The following NKTR variants were observed in gnomAD, a reference collection of about 807,000 sequenced individuals.
NKTR encodes the protein NK-tumor recognition protein.
Under a neutral mutation model 156.3 loss-of-function variants are expected in NKTR, and 67 were observed. The observed-to-expected ratio is 0.43, with a 90% confidence interval of 0.35 to 0.53. NKTR has a LOEUF of 0.53. Among genes scored for constraint, NKTR ranks in the 20% least tolerant of loss-of-function variants. The pLI is 0.01. For missense variants in NKTR, 1,604 were observed against 1,730.9 expected, an observed-to-expected ratio of 0.93 and a Z score of 1.30; for synonymous variants, 640 against 596.6, an observed-to-expected ratio of 1.07 and a Z score of -1.06.
At position 42,642,612 on chromosome 3, in the gene NKTR, C is replaced by T; in HGVS notation, c.4142+16C>T. 6.3e-7 allele frequency: 1 copy of T among 1,588,834 alleles called. No individual in the cohort carries two copies. Among genetic ancestry groups the T allele is most frequent in the Non-Finnish European group, 8.6e-7 (1 of 1,156,920 alleles). On this transcript the variant is annotated intron_variant, in intron 14 of 16. Transcript: ENST00000232978. ...AAAGTCACAGGTGAGCTTGTGATCTCACCCTGTGATGTGGTCTCCATCATG... is the reference window on the plus strand; with the variant it reads ...AAAGTCACAGGTGAGCTTGTGATCTTACCCTGTGATGTGGTCTCCATCATG...
rs1709039184 is a variant in NKTR, at chr3:42,632,821, AG to A, written c.773+1del. On this transcript the variant is annotated frameshift_variant and splice_region_variant, in exon 9 of 17. Transcript: ENST00000232978. LOFTEE classifies it high-confidence loss of function. ...PRNKHAMNPK[G>X]HSERSDTNEK... ...GGAATAAACATGCAATGAACCCAAA[AG>A]GGTACGTGTAAAACACCAATGTACT... is the stretch of plus-strand genomic sequence containing the variant. 1 of 1,583,200 alleles carries A rather than the reference AG, an allele frequency of 6.3e-7. No individual in the cohort carries two copies. The highest frequency in any genetic ancestry group is 8.6e-7 in the Non-Finnish European group (1 of 1,166,676).
Position 42,633,604 on chromosome 3 carries a change from T to C in NKTR, c.798T>C (p.Asn266=). The change falls in exon 10 of 17, where the codon AAT becomes AAC. Residue 266 remains asparagine (N), a synonymous_variant. Coordinates refer to ENST00000232978, the MANE Select transcript of NKTR (RefSeq NM_005385.4). Reference sequence around the variant, plus strand: ...GTCACTCTGAGAGGAGTGATACCAATGAAAAAAGGTCAGTTGATTCCAGTG... The same window carrying C: ...GTCACTCTGAGAGGAGTGATACCAACGAAAAAAGGTCAGTTGATTCCAGTG... ...PKGHSERSDT[N]EKRSVDSSAK... The C allele has an allele frequency of 6.2e-7, 1 of 1,614,022 alleles. No individual in the cohort carries two copies. Among genetic ancestry groups the C allele is most frequent in the Non-Finnish European group, 8.5e-7 (1 of 1,179,938 alleles).
chr3:42,619,350 T>C, intron 4 of NKTR: 2 of 1,215,818 alleles, frequency 1.6e-6, no homozygotes, highest in Non-Finnish European at 2.2e-6. Flanking sequence ...TTATTAATAT[T>C]ATAGTTACTT....
chr3:42,621,078 T>C (rs1311355813), intron 5 of NKTR: 1 of 986,036 alleles, frequency 1.0e-6, no homozygotes, highest in Non-Finnish European at 1.2e-6. Context: ...ATTGGAAATT[T>C]GGAGGAAGTA....
At position 42,631,077 on chromosome 3, in the gene NKTR, C is replaced by T. The variant is rs1312720955; in HGVS notation, c.405-94C>T. ...AAACAGTTTGGTTTTATTTTCAGGTCTGTGGACATGTCATTGATTACAGTT... is the reference window on the plus strand; with the variant it reads ...AAACAGTTTGGTTTTATTTTCAGGTTTGTGGACATGTCATTGATTACAGTT... On this transcript the variant is annotated intron_variant, in intron 7 of 16. Coordinates refer to ENST00000232978, the MANE Select transcript of NKTR (RefSeq NM_005385.4). The T allele has an allele frequency of 2.6e-6, 4 of 1,519,392 alleles. No individual in the cohort carries two copies. In the Admixed American group the frequency reaches 6.3e-5, roughly 24 times the overall value. 94.1% of individuals were successfully genotyped at this position (1,519,392 alleles called of 1,614,324 possible).
At chr3:42,630,298 G>T in intron 6 of NKTR, 1 of 1,241,002 alleles carries the variant, frequency 8.1e-7, no homozygotes, top group Non-Finnish European at 1.0e-6. Flanking sequence ...GATTTCATAT[G>T]TATGCATACA....
At chr3:42,619,927 A>G (rs1332423179) in intron 5 of NKTR, 5 of 1,470,148 alleles carry the variant, frequency 3.4e-6, no homozygotes, top group Non-Finnish European at 4.5e-6. Flanking sequence ...ATGGTTAAAC[A>G]TGACTTTCAG....
rs774921467 is a variant in NKTR, at chr3:42,617,583, G to A, written c.72G>A (p.Met24Ile). The A allele has an allele frequency of 4.4e-6, 7 of 1,594,532 alleles. No homozygotes were observed. Among genetic ancestry groups the A allele is most frequent in the South Asian group, 1.1e-5 (1 of 90,564 alleles). ...EINREPVGRI[M>I]FQLFSDICPK... Reference sequence around the variant, plus strand: ...ATTTTATTTCAGTTGGTCGCATTATGTTTCAGCTCTTCTCAGACATATGTC... The same window carrying A: ...ATTTTATTTCAGTTGGTCGCATTATATTTCAGCTCTTCTCAGACATATGTC... Residue 24 changes from methionine to isoleucine, a missense_variant, in exon 3 of 17, where the codon ATG (methionine) becomes ATA (isoleucine). By Grantham distance (10) the Met-to-Ile change is conservative. This residue lies in a region of NKTR where 73 missense variants were observed against 90.7 expected (regional missense o/e 0.80). Coordinates refer to ENST00000232978, the MANE Select transcript of NKTR (RefSeq NM_005385.4).
At chr3:42,627,927 A>G (rs1559571142) in intron 6 of NKTR, 1 of 985,190 alleles carries the variant, frequency 1.0e-6, no homozygotes, top group Non-Finnish European at 1.2e-6. Flanking sequence ...AGTTAGTGAG[A>G]TGAGCTCTCT....
chr3:42,638,064 A>G lies in NKTR; in HGVS notation c.2360A>G (p.Lys787Arg). The G allele has an allele frequency of 6.2e-7, 1 of 1,614,192 alleles. No individual in the cohort carries two copies. Residue 787 changes from lysine (K) to arginine (R), a missense_variant, in exon 13 of 17, where the codon AAA (lysine) becomes AGA (arginine). By Grantham distance (26) the Lys-to-Arg change is conservative (BLOSUM62 2). Coordinates refer to ENST00000232978, the MANE Select transcript of NKTR (RefSeq NM_005385.4). ...AAGACACTTCACAGTAAATATGTCA[A>G]AGGTAGAGACAGGTCTTCATGTGTG... ...SEKTLHSKYV[K>R]GRDRSSCVRK...
intron 4 of NKTR, 39 bp downstream of exon 4, chr3:42,619,166 C>A: frequency 6.3e-7 from 1 of 1,584,202 alleles, no homozygotes; most frequent in South Asian, 1.2e-5. Context: ...CTCCATCTAT[C>A]AGTTTTTAAA....
At chr3:42,636,653 T>TA (rs370983074) in intron 12 of NKTR, among the ~76,000 whole-genome samples, 14 of 150,514 alleles carry the variant, frequency 9.3e-5, no homozygotes, top group East Asian at 7.8e-4. Flanking sequence ...TTGCTTAGCT[T>TA]AAAAAAAAAA....
At position 42,643,329 on chromosome 3, in the gene NKTR, T is replaced by C. The variant is rs1710059882; in HGVS notation, c.4143-10T>C. The C allele has an allele frequency of 6.2e-7, 1 of 1,613,044 alleles. No individual in the cohort carries two copies. The highest frequency in any genetic ancestry group is 8.5e-7 in the Non-Finnish European group (1 of 1,179,124). ...TATAAGATGATGGTCCTTCATGTGA[T>C]TAATATTAGGACGTCCAGCAGGAGC... On this transcript the variant is annotated splice_polypyrimidine_tract_variant and intron_variant, in intron 14 of 16. Coordinates refer to ENST00000232978, the MANE Select transcript of NKTR (RefSeq NM_005385.4).
At position 42,633,669 on chromosome 3, in the gene NKTR, C is replaced by T; in HGVS notation, c.863C>T (p.Pro288Leu). ...CCTGTGGTCCGCCCAGAAGAGATTCCTCCAGTGCCTGAGAACCGATTTTTA... is the reference window on the plus strand; with the variant it reads ...CCTGTGGTCCGCCCAGAAGAGATTCTTCCAGTGCCTGAGAACCGATTTTTA... The part of the protein sequence containing the change: ...EKPVVRPEEI[P>L]PVPENRFLLR... The change falls in exon 10 of 17, where the codon CCT becomes CTT. Residue 288 changes from proline to leucine, a missense_variant. Transcript: ENST00000232978. 1 of 1,614,084 alleles carries T rather than the reference C, an allele frequency of 6.2e-7. No individual in the cohort carries two copies. Among genetic ancestry groups the T allele is most frequent in the Non-Finnish European group, 8.5e-7 (1 of 1,179,996 alleles).
intron 2 of NKTR, among the ~76,000 whole-genome samples, chr3:42,607,189 C>T (rs1004679321): frequency 2.0e-5 from 3 of 152,166 alleles, no homozygotes; most frequent in African/African-American, 7.2e-5. Flanking sequence ...GGGATCCAGG[C>T]TCTTTTTGTG....
Position 42,638,025 on chromosome 3 carries a change from G to T in NKTR, c.2321G>T (p.Ser774Ile). 6.2e-7 allele frequency: 1 copy of T among 1,614,126 alleles called. No individual in the cohort carries two copies. The highest frequency in any genetic ancestry group is 8.5e-7 in the Non-Finnish European group (1 of 1,180,006). Residue 774 changes from serine to isoleucine, a missense_variant, in exon 13 of 17, where the codon AGC becomes ATC. This residue lies in a region of NKTR where 1,255 missense variants were observed against 1,243.7 expected (regional missense o/e 1.01). Transcript: ENST00000232978. Reference sequence around the variant, plus strand: ...AATAGCGTTTCACATAAAAAGCATAGCAGCAGCTCTGAAAAGACACTTCAC... The same window carrying T: ...AATAGCGTTTCACATAAAAAGCATATCAGCAGCTCTGAAAAGACACTTCAC... ...KKNSVSHKKH[S>I]SSSEKTLHSK...
chr3:42,630,666 C>G, intron 7 of NKTR, 91 bp downstream of exon 7: 2 of 1,575,970 alleles, frequency 1.3e-6, no homozygotes, highest in Non-Finnish European at 8.6e-7. Flanking sequence ...CAAGGGAGCG[C>G]TCTTGATGTC....
intron 8 of NKTR, among the ~76,000 whole-genome samples, chr3:42,631,841 GCA>G (rs1708933952): frequency 6.6e-6 from 1 of 152,066 alleles, no homozygotes; most frequent in African/African-American, 2.4e-5. Context: ...TGCCTTCCAG[GCA>G]CATTGACCTT....
intron 16 of NKTR, among the ~76,000 whole-genome samples, chr3:42,645,423 G>T (rs918361122): frequency 1.3e-5 from 2 of 152,108 alleles, no homozygotes; most frequent in Non-Finnish European, 2.9e-5. Context: ...GGTGGCTCAC[G>T]CCTGTAATCC....
Sources: allele counts gnomAD v4.1 joint callset (sites outside exome capture counted in the v4.1 genomes callset), GRCh38; gene constraint gnomAD v4.1.1; regional missense constraint gnomAD v4.1.1; transcripts MANE v1.5; gene names NCBI Gene and HGNC (gene_info 2026-07-23, HGNC 2026-07-21).